TCAIM: variants seen among roughly 807,000 people sequenced by gnomAD.
TCAIM encodes the protein T-cell activation inhibitor, mitochondrial.
In TCAIM, 36 loss-of-function variants were observed where a neutral mutation model predicts 58.6. The observed-to-expected ratio is 0.61, with a 90% confidence interval of 0.47 to 0.81. The LOEUF is 0.81. TCAIM is among the 30% of genes least tolerant of loss of function. The pLI, the probability that TCAIM is intolerant of heterozygous loss-of-function variation, is 0.00. For synonymous variants in TCAIM, 172 were observed against 193.6 expected (o/e 0.89, Z 0.93); for missense variants, 466 against 579.6 (o/e 0.80, Z 2.01).
chr3:44,365,922 C>A (rs1442270111), intron 4 of TCAIM, among the ~76,000 whole-genome samples: 1 of 152,140 alleles, frequency 6.6e-6, no homozygotes, highest in Non-Finnish European at 1.5e-5. Flanking sequence ...GTGATTACCT[C>A]AAGTAAAGAT....
chr3:44,353,335 A>G (rs1701130365), intron 1 of TCAIM, among the ~76,000 whole-genome samples: 1 of 152,214 alleles, frequency 6.6e-6, no homozygotes, highest in Non-Finnish European at 1.5e-5. Context: ...ACTGAAGGAC[A>G]TCGTGGTTGC....
intron 1 of TCAIM, among the ~76,000 whole-genome samples, chr3:44,341,691 AT>A (rs571709485): frequency 3.9e-5 from 6 of 152,120 alleles, no homozygotes; most frequent in Non-Finnish European, 8.8e-5. Flanking sequence ...AAATTATGCC[AT>A]TTTTTAATAC....
intron 2 of TCAIM, among the ~76,000 whole-genome samples, chr3:44,355,186 A>G (rs1701168041): frequency 6.6e-6 from 1 of 152,200 alleles, no homozygotes. Context: ...GTTCTGGGGG[A>G]ATAGATACAA....
At chr3:44,390,202 A>G (rs902622429) in intron 5 of TCAIM, among the ~76,000 whole-genome samples, 8 of 152,224 alleles carry the variant, frequency 5.3e-5, no homozygotes, top group African/African-American at 1.9e-4. Flanking sequence ...ATAGATGCAT[A>G]ATGATTTGTC....
intron 1 of TCAIM, among the ~76,000 whole-genome samples, chr3:44,344,478 G>A (rs879944626): frequency 6.6e-6 from 1 of 152,192 alleles, no homozygotes; most frequent in Admixed American, 6.5e-5. Flanking sequence ...CGGTTCTGGA[G>A]TCTGGGAAAT....
Position 44,362,387 on chromosome 3 carries a change from C to T in TCAIM, c.319+869C>T, listed in dbSNP as rs115701289. On this transcript the variant is annotated intron_variant, in intron 4 of 10. Coordinates refer to ENST00000342649, the MANE Select transcript of TCAIM (RefSeq NM_173826.4). ...TAGAGGCCACTCACATGGAAGATCC[C>T]TAATTTACACCTCACCCTCCCCCGG... The T allele has an allele frequency of 4.1e-3, 1,634 of 400,684 alleles. 23 individuals carry two copies. The highest frequency in any genetic ancestry group is 0.031 in the African/African-American group (1,518 of 48,722). 24.8% of individuals were successfully genotyped at this position (400,684 alleles called of 1,614,324 possible). A position where few individuals can be genotyped will look rare whatever the true frequency, so the allele number is the denominator to read the frequency against.
At position 44,400,425 on chromosome 3, in the gene TCAIM, A is replaced by G. The variant is rs1269782123; in HGVS notation, c.956A>G (p.Tyr319Cys). 2.5e-6 allele frequency: 4 copies of G among 1,613,874 alleles called. No homozygotes were observed. Among genetic ancestry groups the G allele is most frequent in the Non-Finnish European group, 2.5e-6 (3 of 1,179,894 alleles). ...ATGATTTTAGAAGACCAAATAAGCT[A>G]TCTTTTAGGTGGCATACAAGTTGTT... ...RLMILEDQISYLLGGIQVVYI... is the reference protein window; with the variant it reads ...RLMILEDQISCLLGGIQVVYI... Residue 319 changes from tyrosine (Y) to cysteine (C), a missense_variant, in exon 9 of 11, where the codon TAT (tyrosine) becomes TGT (cysteine). Transcript: ENST00000342649.
chr3:44,368,607 A>G (rs915080274), intron 5 of TCAIM, among the ~76,000 whole-genome samples: 1 of 152,244 alleles, frequency 6.6e-6, no homozygotes, highest in Non-Finnish European at 1.5e-5. Flanking sequence ...TAACTGATGG[A>G]TAAATCACTT....
chr3:44,380,594 AAAG>A (rs2125645244), intron 5 of TCAIM, among the ~76,000 whole-genome samples: 1 of 152,240 alleles, frequency 6.6e-6, no homozygotes, highest in East Asian at 1.9e-4. Context: ...ATTAGAGAAA[AAAG>A]AATAAACTAA....
chr3:44,348,369 C>A lies in TCAIM; in HGVS notation c.-44-6370C>A, dbSNP rs137872445. 2.9e-3 allele frequency among the ~76,000 whole-genome samples: 438 copies of A among 152,180 alleles called. 3 individuals carry two copies. Among genetic ancestry groups the A allele is most frequent in the African/African-American group, 9.8e-3 (408 of 41,516 alleles). On this transcript the variant is annotated intron_variant, in intron 1 of 10. Transcript: ENST00000342649. ...AGGGGCTCTGGGAACAGCTCCCGGGCAAGTTGGACAGTCCGATTTCCAGTG... is the reference window on the plus strand; with the variant it reads ...AGGGGCTCTGGGAACAGCTCCCGGGAAAGTTGGACAGTCCGATTTCCAGTG...
At position 44,381,262 on chromosome 3, in the gene TCAIM, C is replaced by G. The variant is rs28799601; in HGVS notation, c.573-11593C>G. Among the ~76,000 whole-genome samples, 1,260 of 152,118 alleles carry G rather than the reference C, an allele frequency of 8.3e-3. 18 individuals carry two copies. Among genetic ancestry groups the G allele is most frequent in the African/African-American group, 0.029 (1,204 of 41,500 alleles). ...AGCAGCATATTAAAAGGATTCAATA[C>G]CATGACCAAGTAGGATATATTCCTA... On this transcript the variant is annotated intron_variant, in intron 5 of 10. Coordinates refer to ENST00000342649, the MANE Select transcript of TCAIM (RefSeq NM_173826.4).
At chr3:44,345,205 G>A in intron 1 of TCAIM, among the ~76,000 whole-genome samples, 1 of 152,274 alleles carries the variant, frequency 6.6e-6, no homozygotes, top group Admixed American at 6.5e-5. Context: ...AGATTCTGTG[G>A]TAAGAGGTGA....
In TCAIM at chr3:44,361,514, T is replaced by C. The variant is rs1302109322; in HGVS notation, c.315T>C (p.Thr105=). The C allele has an allele frequency of 1.9e-6, 3 of 1,588,346 alleles. No homozygotes were observed. Among genetic ancestry groups the C allele is most frequent in the Non-Finnish European group, 2.6e-6 (3 of 1,171,140 alleles). Residue 105 remains threonine (T), a synonymous_variant, in exon 4 of 11, where the codon ACT becomes ACC. Coordinates refer to ENST00000342649, the MANE Select transcript of TCAIM (RefSeq NM_173826.4). ...SSSDGQEPFS[T]SGFRAVKFTL... is the part of the protein sequence containing the mutation. The stretch of plus-strand genomic sequence containing the variant: ...CCGATGGCCAGGAACCTTTTAGTAC[T>C]TCCGGTACGTTTTTTATTTCTGGTG...
intron 4 of TCAIM, among the ~76,000 whole-genome samples, chr3:44,365,304 A>G (rs749019940): frequency 2.0e-5 from 3 of 152,098 alleles, no homozygotes; most frequent in Non-Finnish European, 4.4e-5. Context: ...CAATGATTTA[A>G]AGTGTGGTGT....
At position 44,381,451 on chromosome 3, in the gene TCAIM, T is replaced by A. The variant is rs150689493; in HGVS notation, c.573-11404T>A. On this transcript the variant is annotated intron_variant, in intron 5 of 10. Transcript: ENST00000342649. ...TTTGACAAAATTCAACATACTTTCA[T>A]ACTAAAAACACTCTAGAAATAAAGG... 3.3e-5 allele frequency among the ~76,000 whole-genome samples: 5 copies of A among 152,218 alleles called. No homozygotes were observed. The East Asian group carries it at 9.7e-4, about 29-fold the overall frequency.
chr3:44,356,796 T>C (rs1204707057), intron 2 of TCAIM, among the ~76,000 whole-genome samples: 2 of 145,070 alleles, frequency 1.4e-5, no homozygotes, highest in South Asian at 2.2e-4. Flanking sequence ...TGAGACCCTG[T>C]CTCTACTAAA....
chr3:44,407,842 A>G lies in TCAIM; in HGVS notation c.*160A>G, dbSNP rs1348281042. On this transcript the variant is annotated 3_prime_UTR_variant, in exon 11 of 11. Coordinates refer to ENST00000342649, the MANE Select transcript of TCAIM (RefSeq NM_173826.4). ...TTTAAAAAAATTAATTTCTGCTAGG[A>G]GAGGTTTTATATGCCAGGCGTGGTG... 2.4e-6 allele frequency: 2 copies of G among 832,022 alleles called. No individual in the cohort carries two copies. The highest frequency in any genetic ancestry group is 3.5e-5 in the African/African-American group (2 of 56,680). The allele number at this position is 832,022 out of a possible 1,614,324, so 51.5% of individuals were successfully genotyped here. A position where few individuals can be genotyped will look rare whatever the true frequency, so the allele number is the denominator to read the frequency against.
intron 4 of TCAIM, among the ~76,000 whole-genome samples, chr3:44,366,014 A>G (rs1319767803): frequency 6.6e-6 from 1 of 152,198 alleles, no homozygotes; most frequent in African/African-American, 2.4e-5. Context: ...AAAAAAGCGA[A>G]GAGTCAGCAT....
rs140114888 is a variant in TCAIM, at chr3:44,370,380, G to A, written c.572+2672G>A. On this transcript the variant is annotated intron_variant, in intron 5 of 10. Coordinates refer to ENST00000342649, the MANE Select transcript of TCAIM (RefSeq NM_173826.4). The stretch of plus-strand genomic sequence containing the variant: ...CTGAGGCAGGAGAATCGCTTGAACC[G>A]GGGAGGTGGAGGTTGCAGTGAGCCA... Among the ~76,000 whole-genome samples the A allele has an allele frequency of 6.1e-3, 929 of 151,550 alleles. 10 individuals are homozygous for A. Among genetic ancestry groups the A allele is most frequent in the African/African-American group, 0.021 (873 of 41,314 alleles).
Sources: gnomAD v4.1 joint callset for allele counts (sites outside exome capture counted in the v4.1 genomes callset) on GRCh38, gnomAD v4.1.1 for gene constraint, MANE v1.5 for transcripts, NCBI Gene and HGNC (gene_info 2026-07-23, HGNC 2026-07-21) for gene names.